The following POFUT3 variants were observed in gnomAD, a reference collection of about 807,000 sequenced individuals.
POFUT3 encodes protein O-fucosyltransferase 3, also known as GDP-fucose protein O-fucosyltransferase 3.
chr8:33,344,335 T>C, the POFUT3 span, among the ~76,000 whole-genome samples: 1 of 152,234 alleles, frequency 6.6e-6, no homozygotes. Context: ...ACTTTGGTTC[T>C]GTGCGCCTTG....
chr8:33,403,883 C>T, the POFUT3 span, among the ~76,000 whole-genome samples: 3 of 152,104 alleles, frequency 2.0e-5, no homozygotes, highest in Non-Finnish European at 2.9e-5. Flanking sequence ...AAAATCCCCA[C>T]GTACACTCCA....
the POFUT3 span, among the ~76,000 whole-genome samples, chr8:33,404,353 GAA>G: frequency 6.9e-6 from 1 of 145,658 alleles, no homozygotes; most frequent in African/African-American, 2.6e-5. Flanking sequence ...AAAAAAAAAA[GAA>G]AAAGAAAAAG....
chr8:33,406,445 T>C, the POFUT3 span, among the ~76,000 whole-genome samples: 1 of 152,084 alleles, frequency 6.6e-6, no homozygotes, highest in Non-Finnish European at 1.5e-5. Context: ...AGTATACTTC[T>C]TTTTTATTTT....
the POFUT3 span, among the ~76,000 whole-genome samples, chr8:33,362,594 C>CAA: frequency 1.4e-3 from 186 of 133,490 alleles, no homozygotes; most frequent in African/African-American, 4.6e-3. Flanking sequence ...AAATGGAAAG[C>CAA]AAAAAAAAAA....
chr8:33,334,048 G>A, the POFUT3 span, among the ~76,000 whole-genome samples: 398 of 152,166 alleles, frequency 2.6e-3, 1 homozygote, highest in South Asian at 5.4e-3. Flanking sequence ...CTTGGGAAGC[G>A]TCACTTCCTT....
At chr8:33,354,868 CA>C in the POFUT3 span, among the ~76,000 whole-genome samples, 4 of 152,188 alleles carry the variant, frequency 2.6e-5, no homozygotes, top group African/African-American at 9.7e-5. Flanking sequence ...GGGATGACAT[CA>C]TACGCTATTT....
At chr8:33,351,487 G>T in the POFUT3 span, among the ~76,000 whole-genome samples, 1 of 151,998 alleles carries the variant, frequency 6.6e-6, no homozygotes, top group African/African-American at 2.4e-5. Flanking sequence ...TTATTCTCAA[G>T]AGCTGGTTGT....
chr8:33,400,599 T>C, the POFUT3 span, among the ~76,000 whole-genome samples: 45 of 152,334 alleles, frequency 3.0e-4, no homozygotes, highest in African/African-American at 1.0e-3. Context: ...GGCTTTCTTA[T>C]ACCTAGACTT....
the POFUT3 span, among the ~76,000 whole-genome samples, chr8:33,423,909 C>T: frequency 2.7e-5 from 4 of 145,764 alleles, no homozygotes; most frequent in Middle Eastern, 3.6e-3. Context: ...GAGGCCAAAG[C>T]GGGTGGATCA....
At chr8:33,422,637 T>C in the POFUT3 span, among the ~76,000 whole-genome samples, 11,712 of 150,984 alleles carry the variant, frequency 0.078, 721 homozygotes, top group African/African-American at 0.16. Context: ...TCTGAGACCT[T>C]GATCTTATAC....
the POFUT3 span, chr8:33,389,695 A>ATAAT: frequency 6.2e-7 from 1 of 1,614,184 alleles, no homozygotes. Context: ...TCACTGGTTT[A>ATAAT]TGAAAGAGCT....
chr8:33,402,702 A>G, the POFUT3 span, among the ~76,000 whole-genome samples: 2 of 152,244 alleles, frequency 1.3e-5, no homozygotes, highest in African/African-American at 4.8e-5. Flanking sequence ...GGCAGTAAAA[A>G]AAGAATGAGA....
the POFUT3 span, among the ~76,000 whole-genome samples, chr8:33,446,382 A>G: frequency 6.6e-6 from 1 of 150,856 alleles, no homozygotes; most frequent in African/African-American, 2.4e-5. Context: ...TCTCGAACAC[A>G]GGAGGCAGCA....
At chr8:33,386,408 G>A in the POFUT3 span, among the ~76,000 whole-genome samples, 1 of 152,084 alleles carries the variant, frequency 6.6e-6, no homozygotes, top group Admixed American at 6.5e-5. Context: ...TCCTCAATGA[G>A]TCCAGAGAGA....
chr8:33,384,698 G>A, the POFUT3 span, among the ~76,000 whole-genome samples: 3 of 152,162 alleles, frequency 2.0e-5, no homozygotes, highest in Non-Finnish European at 1.5e-5. Context: ...GTGAGCGCCT[G>A]TAATCCTAAC....
At chr8:33,359,921 G>A in the POFUT3 span, among the ~76,000 whole-genome samples, 6,618 of 152,028 alleles carry the variant, frequency 0.044, 420 homozygotes, top group African/African-American at 0.14. Flanking sequence ...CAAGAGAATT[G>A]CTTACACCCG....
the POFUT3 span, among the ~76,000 whole-genome samples, chr8:33,440,385 TA>T: frequency 6.6e-6 from 1 of 152,044 alleles, no homozygotes; most frequent in Non-Finnish European, 1.5e-5. Context: ...ATTAATTAAT[TA>T]AAGTCAAAAT....
At chr8:33,430,620 C>G in the POFUT3 span, among the ~76,000 whole-genome samples, 1 of 152,132 alleles carries the variant, frequency 6.6e-6, no homozygotes, top group East Asian at 1.9e-4. Flanking sequence ...TATTTTGAGA[C>G]AAAGCTGTGC....
chr8:33,468,139 C>T, the POFUT3 span, among the ~76,000 whole-genome samples: 1 of 151,736 alleles, frequency 6.6e-6, no homozygotes, highest in African/African-American at 2.4e-5. Flanking sequence ...ACTGGGGAGA[C>T]TGAGGCAGGA....
Sources: allele counts gnomAD v4.1 joint callset (sites outside exome capture counted in the v4.1 genomes callset), GRCh38; gene constraint gnomAD v4.1.1; transcripts MANE v1.5; gene names NCBI Gene and HGNC (gene_info 2026-07-23, HGNC 2026-07-21).